MBTD1: variants seen among roughly 807,000 people sequenced by gnomAD.
The protein encoded by MBTD1 is MBT domain-containing protein 1.
A neutral mutation model predicts 87.8 loss-of-function variants in MBTD1; 24 were observed. The observed-to-expected ratio is 0.27, with a 90% CI of 0.20 to 0.38. MBTD1 has a LOEUF of 0.38. Ranked by LOEUF, MBTD1 falls within the 10% of genes least tolerant of loss-of-function variation. The pLI is 1.00. For missense variants in MBTD1, 436 were observed against 760.2 expected (o/e 0.57, Z 5.02); for synonymous variants, 237 against 248.6 (o/e 0.95, Z 0.44).
intron 2 of MBTD1, among the ~76,000 whole-genome samples, chr17:51,238,023 TC>T (rs1236640504): frequency 2.6e-5 from 4 of 152,166 alleles, no homozygotes; most frequent in Admixed American, 6.6e-5. Context: ...ACTGTATGAC[TC>T]TTTTTACAAA....
intron 2 of MBTD1, chr17:51,250,291 C>T (rs529024733): frequency 1.3e-5 from 2 of 152,128 alleles, no homozygotes; most frequent in South Asian, 2.1e-4. Context: ...ATGTACTATT[C>T]TCTAGGTCCC....
chr17:51,259,872 G>C lies in MBTD1; in HGVS notation c.-150C>G, dbSNP rs1343580322. ...GTTTTCCATCAGGGCCTCATGGGTA[G>C]GGGTTGTCCGTGCTCCCCGAGCCCG... On this transcript the variant is annotated 5_prime_UTR_variant, in exon 1 of 17. Coordinates refer to ENST00000586178, the MANE Select transcript of MBTD1 (RefSeq NM_017643.3). The C allele has an allele frequency of 8.1e-7, 1 of 1,232,004 alleles. No individual in the cohort carries two copies. The highest frequency in any genetic ancestry group is 1.0e-6 in the Non-Finnish European group (1 of 987,906). 76.3% of individuals were successfully genotyped at this position (1,232,004 alleles called of 1,614,324 possible).
At chr17:51,220,542 C>A in intron 3 of MBTD1, 79 bp from the exon 4 acceptor site, 1 of 1,311,200 alleles carries the variant, frequency 7.6e-7, no homozygotes, top group South Asian at 1.5e-5. Context: ...AATAATTTCT[C>A]CTGCCATCTG....
chr17:51,179,524 ATATATATATATATG>A lies in MBTD1; in HGVS notation c.*1038_*1051del, dbSNP rs2050229550. ...TATATATATATATATATATATATAT[ATATATATATATATG>A]GAATTTTAAGAAAATTAAATTCTCT... is the stretch of plus-strand genomic sequence containing the variant. On this transcript the variant is annotated 3_prime_UTR_variant, in exon 17 of 17. Coordinates refer to ENST00000586178, the MANE Select transcript of MBTD1 (RefSeq NM_017643.3). 1.9e-5 allele frequency: 2 copies of A among 107,996 alleles called. No individual in the cohort carries two copies. Among genetic ancestry groups the A allele is most frequent in the African/African-American group, 3.2e-5 (1 of 31,230 alleles). The allele number at this position is 107,996 out of a possible 1,614,324, so 6.7% of individuals were successfully genotyped here.
chr17:51,254,504 A>T (rs964984599), intron 2 of MBTD1, among the ~76,000 whole-genome samples: 1 of 152,208 alleles, frequency 6.6e-6, no homozygotes, highest in African/African-American at 2.4e-5. Flanking sequence ...TACCCAGGAG[A>T]ATGATAGGAG....
chr17:51,217,467 TAAG>T, intron 5 of MBTD1, 51 bp from the exon 6 acceptor site: 1 of 859,536 alleles, frequency 1.2e-6, no homozygotes, highest in Non-Finnish European at 1.8e-6. Flanking sequence ...CTTTTATTTA[TAAG>T]AAGGTTATCA....
intron 6 of MBTD1, among the ~76,000 whole-genome samples, chr17:51,214,452 C>T (rs1035855907): frequency 2.6e-5 from 4 of 152,102 alleles, no homozygotes; most frequent in African/African-American, 9.7e-5. Context: ...AGCTTACAGA[C>T]AGACCATGGA....
At chr17:51,246,653 T>A (rs1366287562) in intron 2 of MBTD1, among the ~76,000 whole-genome samples, 1 of 152,192 alleles carries the variant, frequency 6.6e-6, no homozygotes, top group Non-Finnish European at 1.5e-5. Context: ...ATTTGTTTTT[T>A]GAGACAGGGT....
chr17:51,255,663 A>G (rs1273656523), intron 2 of MBTD1, among the ~76,000 whole-genome samples: 1 of 148,868 alleles, frequency 6.7e-6, no homozygotes, highest in Non-Finnish European at 1.5e-5. Context: ...TGGCACAATC[A>G]TGGCTCACTT....
At position 51,206,975 on chromosome 17, in the gene MBTD1, A is replaced by C. The variant is rs1036273351; in HGVS notation, c.517T>G (p.Ser173Ala). 3.7e-6 allele frequency: 6 copies of C among 1,613,382 alleles called. No homozygotes were observed. The highest frequency in any genetic ancestry group is 5.1e-6 in the Non-Finnish European group (6 of 1,179,470). ...APMGTCWGDI[S>A]ENVRVEVPNT... ...GGAACTTCTACTCTCACATTTTCTG[A>C]GATATCACCCCAGCAGGTCCCCATA... is the stretch of plus-strand genomic sequence containing the variant. The change falls in exon 7 of 17, where the codon TCA becomes GCA. Residue 173 changes from serine (S) to alanine (A), a missense_variant. Around this residue, in one of 5 missense-constraint regions of MBTD1, gnomAD observed 268 missense variants for 401.8 expected, o/e 0.67. Coordinates refer to ENST00000586178, the MANE Select transcript of MBTD1 (RefSeq NM_017643.3).
At chr17:51,211,842 G>A (rs1201237726) in intron 6 of MBTD1, among the ~76,000 whole-genome samples, 1 of 151,594 alleles carries the variant, frequency 6.6e-6, no homozygotes, top group East Asian at 1.9e-4. Flanking sequence ...GCACATAACT[G>A]AGAAATAGAT....
intron 7 of MBTD1, among the ~76,000 whole-genome samples, chr17:51,204,877 T>TA: frequency 6.6e-6 from 1 of 152,236 alleles, no homozygotes; most frequent in Non-Finnish European, 1.5e-5. Context: ...TGAATGTGGC[T>TA]ACTTTAAGAA....
intron 10 of MBTD1, among the ~76,000 whole-genome samples, chr17:51,202,285 T>C (rs1046852187): frequency 6.6e-6 from 1 of 152,230 alleles, no homozygotes; most frequent in Non-Finnish European, 1.5e-5. Flanking sequence ...ATTCAGCCAA[T>C]TTTAATGCTC....
At chr17:51,255,280 CA>C (rs543671090) in intron 2 of MBTD1, among the ~76,000 whole-genome samples, 67 of 138,994 alleles carry the variant, frequency 4.8e-4, no homozygotes, top group Admixed American at 1.2e-3. Context: ...GACTCCATCT[CA>C]AAAAAAAAAA....
chr17:51,252,495 G>C (rs563442033), intron 2 of MBTD1, among the ~76,000 whole-genome samples: 2 of 151,982 alleles, frequency 1.3e-5, no homozygotes, highest in Non-Finnish European at 2.9e-5. Context: ...GGAGACCAAG[G>C]GTGGGTGGAT....
At chr17:51,221,448 G>A (rs1208394352) in intron 3 of MBTD1, among the ~76,000 whole-genome samples, 2 of 152,144 alleles carry the variant, frequency 1.3e-5, no homozygotes, top group African/African-American at 4.8e-5. Flanking sequence ...ATTAGAACAA[G>A]GTTCACAAGA....
chr17:51,252,414 T>C (rs2054840619), intron 2 of MBTD1, among the ~76,000 whole-genome samples: 1 of 152,140 alleles, frequency 6.6e-6, no homozygotes, highest in Admixed American at 6.5e-5. Context: ...CGTGCCTTCA[T>C]GAACATTTTG....
intron 16 of MBTD1, 21 bp from the exon 17 acceptor site, chr17:51,180,715 C>T: frequency 2.3e-6 from 3 of 1,314,888 alleles, no homozygotes; most frequent in Non-Finnish European, 3.2e-6. Flanking sequence ...GAGAGAGAAA[C>T]ATATGGGCAT....
At chr17:51,182,109 T>C (rs2050338645) in intron 16 of MBTD1, among the ~76,000 whole-genome samples, 1 of 148,450 alleles carries the variant, frequency 6.7e-6, no homozygotes, top group Non-Finnish European at 1.5e-5. Flanking sequence ...TTTCCACTCC[T>C]GCCTGGGCCC....
Sources: gnomAD v4.1 joint callset for allele counts (sites outside exome capture counted in the v4.1 genomes callset) on GRCh38, gnomAD v4.1.1 for gene constraint, gnomAD v4.1.1 regional missense constraint, MANE v1.5 for transcripts, NCBI Gene and HGNC (gene_info 2026-07-23, HGNC 2026-07-21) for gene names.